Variants in LIFR observed in about 807,000 individuals in gnomAD.
The protein encoded by LIFR is leukemia inhibitory factor receptor.
LIFR carries 84 observed loss-of-function variants against 122.2 expected under a neutral mutation model. The observed-to-expected ratio is 0.69, with a 90% CI of 0.58 to 0.82. The LOEUF is 0.82. Among genes scored for constraint, LIFR ranks in the 40% least tolerant of loss-of-function variants. The probability of loss-of-function intolerance (pLI) is 0.00; values close to 1 mark genes in which losing one functional copy is unlikely to be tolerated. For synonymous variants in LIFR, 422 were observed against 434.7 expected (o/e 0.97, Z 0.36); for missense variants, 1,294 against 1,311.6 (o/e 0.99, Z 0.21).
chr5:38,606,986 A>T (rs945880129), intron 1 of LIFR, among the ~76,000 whole-genome samples: 6 of 152,222 alleles, frequency 3.9e-5, no homozygotes, highest in Admixed American at 6.5e-5. Context: ...AACAAAAAAA[A>T]ATTAATAGCA....
intron 18 of LIFR, among the ~76,000 whole-genome samples, chr5:38,483,986 G>A (rs1050296818): frequency 2.0e-5 from 3 of 152,084 alleles, no homozygotes; most frequent in East Asian, 1.9e-4. Flanking sequence ...CGGAGCTCCC[G>A]CTGACCTCAC....
intron 6 of LIFR, among the ~76,000 whole-genome samples, chr5:38,511,473 GTT>G (rs200608876): frequency 7.0e-6 from 1 of 142,452 alleles, no homozygotes; most frequent in East Asian, 2.0e-4. Context: ...GAACTGTTTT[GTT>G]TTTTTTTTTT....
At chr5:38,591,338 T>C (rs1749915518) in intron 1 of LIFR, among the ~76,000 whole-genome samples, 1 of 152,240 alleles carries the variant, frequency 6.6e-6, no homozygotes, top group South Asian at 2.1e-4. Context: ...GGATCCAGAA[T>C]ACTGATTTTA....
chr5:38,567,515 T>TG (rs1749063413), intron 1 of LIFR, among the ~76,000 whole-genome samples: 13 of 147,036 alleles, frequency 8.8e-5, no homozygotes, highest in African/African-American at 2.7e-4. Flanking sequence ...TATTTATTTA[T>TG]TTATTTATTT....
At chr5:38,482,720 A>G in intron 18 of LIFR, 53 bp from the exon 19 acceptor site, 1 of 714,362 alleles carries the variant, frequency 1.4e-6, no homozygotes, top group South Asian at 2.1e-5. Context: ...ATTATTAGAT[A>G]ATAAATTAAT....
chr5:38,572,763 T>C (rs897481550), intron 1 of LIFR, among the ~76,000 whole-genome samples: 4 of 152,236 alleles, frequency 2.6e-5, no homozygotes, highest in African/African-American at 9.6e-5. Flanking sequence ...ACCTACTACA[T>C]GCCAAGCACT....
At chr5:38,603,961 C>T (rs868569360) in intron 2 of LIFR, among the ~76,000 whole-genome samples, 1 of 152,188 alleles carries the variant, frequency 6.6e-6, no homozygotes, top group Non-Finnish European at 1.5e-5. Flanking sequence ...CTAATGATCT[C>T]CAGCCACAAT....
intron 1 of LIFR, among the ~76,000 whole-genome samples, chr5:38,566,275 T>C (rs71621873): frequency 0.057 from 8,751 of 152,238 alleles, 387 homozygotes; most frequent in Non-Finnish European, 0.086. Context: ...ATAGGAAATA[T>C]ATTGTTCCTT....
intron 2 of LIFR, among the ~76,000 whole-genome samples, chr5:38,529,649 G>A (rs1746892544): frequency 6.6e-6 from 1 of 152,112 alleles, no homozygotes; most frequent in African/African-American, 2.4e-5. Flanking sequence ...GTATAAGAGA[G>A]AGGGAAAGAG....
upstream of LIFR, chr5:38,559,044 A>G (rs1170321994): frequency 6.6e-6 from 1 of 152,276 alleles, no homozygotes; most frequent in Admixed American, 6.5e-5. Flanking sequence ...AATTGTACAT[A>G]AACATATGAC....
At chr5:38,509,436 C>G (rs1179777176) in intron 7 of LIFR, among the ~76,000 whole-genome samples, 1 of 152,096 alleles carries the variant, frequency 6.6e-6, no homozygotes, top group Non-Finnish European at 1.5e-5. Context: ...TTACAGCCAT[C>G]AAGCTGAGAC....
intron 5 of LIFR, among the ~76,000 whole-genome samples, chr5:38,516,946 C>G (rs764077196): frequency 1.5e-4 from 23 of 152,024 alleles, no homozygotes; most frequent in Non-Finnish European, 3.2e-4. Context: ...TCTCAGCAAA[C>G]TAACACAGGA....
intron 12 of LIFR, among the ~76,000 whole-genome samples, 179 bp from the exon 13 acceptor site, chr5:38,496,774 C>T (rs1391250362): frequency 2.6e-5 from 4 of 152,040 alleles, no homozygotes; most frequent in South Asian, 2.1e-4. Context: ...GTCAGGAGTT[C>T]GAGACCAGCC....
chr5:38,527,329 A>C (rs1561178238), intron 3 of LIFR, 35 bp from the exon 4 acceptor site: 2 of 1,314,804 alleles, frequency 1.5e-6, no homozygotes, highest in Non-Finnish European at 2.2e-6. Flanking sequence ...TTAGCAAATA[A>C]AATTAATAGT....
intron 1 of LIFR, among the ~76,000 whole-genome samples, chr5:38,555,307 G>C (rs1363092374): frequency 1.3e-5 from 2 of 152,166 alleles, no homozygotes; most frequent in African/African-American, 4.8e-5. Flanking sequence ...AATCATGTAA[G>C]GGGAAGGGCA....
At chr5:38,522,530 T>C (rs1746457308) in intron 5 of LIFR, among the ~76,000 whole-genome samples, 1 of 152,190 alleles carries the variant, frequency 6.6e-6, no homozygotes, top group African/African-American at 2.4e-5. Flanking sequence ...ATCTTTTCTA[T>C]ATTTAGATAC....
At chr5:38,523,643 T>A (rs1042827778) in intron 4 of LIFR, 61 bp from the exon 5 acceptor site, 1 of 1,244,324 alleles carries the variant, frequency 8.0e-7, no homozygotes, top group Non-Finnish European at 1.2e-6. Context: ...TTTCATACTG[T>A]AACTCCACTA....
At chr5:38,542,325 G>A (rs1747636237) in intron 1 of LIFR, among the ~76,000 whole-genome samples, 1 of 152,168 alleles carries the variant, frequency 6.6e-6, no homozygotes, top group Non-Finnish European at 1.5e-5. Flanking sequence ...TATTATGTAA[G>A]TTTAATCAGA....
chr5:38,598,891 T>C (rs1750173496), upstream of LIFR, among the ~76,000 whole-genome samples: 1 of 152,224 alleles, frequency 6.6e-6, no homozygotes, highest in African/African-American at 2.4e-5. Flanking sequence ...TCAATAAATA[T>C]TGGTTAAAAC....
Sources: gnomAD v4.1 joint callset for allele counts (sites outside exome capture counted in the v4.1 genomes callset) on GRCh38, gnomAD v4.1.1 for gene constraint, MANE v1.5 for transcripts, NCBI Gene and HGNC (gene_info 2026-07-23, HGNC 2026-07-21) for gene names.